ATE1: variants seen among roughly 807,000 people sequenced by gnomAD.
ATE1 encodes the protein arginyltransferase 1, also known as arginyl-tRNA--protein transferase 1.
ATE1 carries 36 observed loss-of-function variants against 70.5 expected under a neutral mutation model. The ratio of observed to expected loss-of-function variants is 0.51; its 90% CI spans 0.39 to 0.67. The LOEUF (loss-of-function observed/expected upper bound fraction) is 0.67, where lower values mean the gene tolerates loss of function less well. ATE1 is among the 30% of genes least tolerant of loss of function. The pLI, the probability that ATE1 is intolerant of heterozygous loss-of-function variation, is 0.00. For missense variants in ATE1, 593 were observed against 629.5 expected, an observed-to-expected ratio of 0.94 and a Z score of 0.62; for synonymous variants, 232 against 219.3, an observed-to-expected ratio of 1.06 and a Z score of -0.51.
chr10:121,836,381 T>A (rs1201995875), intron 10 of ATE1, among the ~76,000 whole-genome samples: 1 of 152,070 alleles, frequency 6.6e-6, no homozygotes, highest in Non-Finnish European at 1.5e-5. Context: ...AGGCGGTGGG[T>A]CTGCTCCTCT....
intron 10 of ATE1, among the ~76,000 whole-genome samples, chr10:121,801,931 T>TAAA (rs60193561): frequency 7.2e-6 from 1 of 138,006 alleles, no homozygotes. Context: ...TTTTTAAAGT[T>TAAA]AAAAAAAAAA....
upstream of ATE1, chr10:121,928,038 G>T (rs1312265159): frequency 1.6e-6 from 2 of 1,250,724 alleles, no homozygotes; most frequent in Non-Finnish European, 2.0e-6. Context: ...CGCCGCCCGG[G>T]AGCCTCCCGA....
chr10:121,884,282 G>A (rs1055408174), intron 7 of ATE1, among the ~76,000 whole-genome samples: 8 of 151,946 alleles, frequency 5.3e-5, no homozygotes, highest in Admixed American at 2.0e-4. Context: ...TGTGATCTGA[G>A]ACAAGTTTTA....
intron 8 of ATE1, among the ~76,000 whole-genome samples, chr10:121,855,375 G>A (rs959319718): frequency 2.0e-5 from 3 of 152,212 alleles, no homozygotes; most frequent in African/African-American, 7.2e-5. Context: ...CCTATTCTCT[G>A]TTGGATGACA....
At chr10:121,900,057 G>T in intron 6 of ATE1, 63 bp from the exon 7 acceptor site, 1 of 1,545,956 alleles carries the variant, frequency 6.5e-7, no homozygotes, top group African/African-American at 1.4e-5. Context: ...TGTGGAATAT[G>T]CATTAAGAGT....
chr10:121,814,190 G>A (rs1947443796), intron 10 of ATE1, among the ~76,000 whole-genome samples: 1 of 152,088 alleles, frequency 6.6e-6, no homozygotes, highest in Non-Finnish European at 1.5e-5. Context: ...AATGTCTGAA[G>A]GAATGTCAAA....
intron 5 of ATE1, among the ~76,000 whole-genome samples, chr10:121,906,101 T>G (rs1263024065): frequency 2.0e-5 from 3 of 152,120 alleles, no homozygotes; most frequent in Non-Finnish European, 2.9e-5. Context: ...TAAATTAAAA[T>G]GGAAATGCAA....
intron 10 of ATE1, among the ~76,000 whole-genome samples, chr10:121,799,079 G>A (rs563155828): frequency 1.4e-4 from 22 of 151,982 alleles, no homozygotes; most frequent in Middle Eastern, 3.4e-3. Context: ...AATAACTTCC[G>A]AAAACCTTAA....
intron 10 of ATE1, among the ~76,000 whole-genome samples, chr10:121,813,175 G>A (rs899826184): frequency 1.3e-5 from 2 of 152,122 alleles, no homozygotes; most frequent in Non-Finnish European, 2.9e-5. Flanking sequence ...CACAAACATG[G>A]TCCATCAAAC....
chr10:121,879,688 C>T (rs1202207939), intron 7 of ATE1, among the ~76,000 whole-genome samples: 5 of 152,116 alleles, frequency 3.3e-5, no homozygotes, highest in Non-Finnish European at 7.4e-5. Context: ...CTTCACAGCC[C>T]CTGGCTACTC....
At chr10:121,809,952 A>G (rs906419379) in intron 10 of ATE1, among the ~76,000 whole-genome samples, 48 of 152,092 alleles carry the variant, frequency 3.2e-4, no homozygotes, top group Non-Finnish European at 4.1e-4. Flanking sequence ...GTGAAATGCC[A>G]AGAAAGATCA....
chr10:121,894,338 C>T (rs10732823), intron 7 of ATE1, among the ~76,000 whole-genome samples: 152,125 of 152,246 alleles, frequency 1, 76,002 homozygotes, highest in Middle Eastern at 1. Flanking sequence ...AGGTCAATTA[C>T]ATGGTGTCTA....
intron 10 of ATE1, among the ~76,000 whole-genome samples, chr10:121,807,979 T>C (rs1003831604): frequency 6.6e-6 from 1 of 152,178 alleles, no homozygotes; most frequent in Admixed American, 6.5e-5. Flanking sequence ...CAGAAAAAGT[T>C]TGCCGACTCT....
intron 10 of ATE1, among the ~76,000 whole-genome samples, chr10:121,820,479 CTTCA>C (rs777110803): frequency 9.2e-5 from 14 of 152,150 alleles, no homozygotes; most frequent in Non-Finnish European, 1.9e-4. Context: ...ATTAAGAACT[CTTCA>C]TTGTGTTTTA....
At chr10:121,882,504 G>A (rs1210857694) in intron 7 of ATE1, among the ~76,000 whole-genome samples, 1 of 152,186 alleles carries the variant, frequency 6.6e-6, no homozygotes, top group Non-Finnish European at 1.5e-5. Context: ...ATACAAATGA[G>A]GAACCTGGAG....
intron 8 of ATE1, among the ~76,000 whole-genome samples, chr10:121,866,737 C>T (rs905851946): frequency 4.0e-5 from 6 of 150,612 alleles, no homozygotes; most frequent in South Asian, 4.2e-4. Context: ...ATCCCAGCTA[C>T]TTGGGGGGCT....
intron 6 of ATE1, among the ~76,000 whole-genome samples, chr10:121,901,750 C>T (rs1225279924): frequency 6.6e-6 from 1 of 152,172 alleles, no homozygotes; most frequent in Non-Finnish European, 1.5e-5. Context: ...GCCACCACAT[C>T]CAGCCCTTGT....
intron 11 of ATE1, among the ~76,000 whole-genome samples, chr10:121,773,181 G>A (rs1160111409): frequency 6.6e-6 from 1 of 152,114 alleles, no homozygotes; most frequent in African/African-American, 2.4e-5. Flanking sequence ...GTTATCTGCT[G>A]ATTTAAATCT....
intron 10 of ATE1, among the ~76,000 whole-genome samples, chr10:121,795,555 T>C (rs551003494): frequency 1.3e-5 from 2 of 152,342 alleles, no homozygotes; most frequent in Admixed American, 1.3e-4. Context: ...TTTATCTCAC[T>C]CGAAGACCAT....
Sources: gnomAD v4.1 joint callset for allele counts (sites outside exome capture counted in the v4.1 genomes callset) on GRCh38, gnomAD v4.1.1 for gene constraint, MANE v1.5 for transcripts, NCBI Gene and HGNC (gene_info 2026-07-23, HGNC 2026-07-21) for gene names.